The following UST variants were observed in gnomAD, a reference collection of about 807,000 sequenced individuals.
The protein encoded by UST is chondroitin sulfate 2-O-sulfotransferase.
A neutral mutation model predicts 45.6 loss-of-function variants in UST; 21 were observed. The observed-to-expected ratio is 0.46, with a 90% CI of 0.33 to 0.66. The LOEUF (loss-of-function observed/expected upper bound fraction) is 0.66. Ranked by LOEUF, UST falls within the 30% of genes least tolerant of loss-of-function variation. The pLI is 0.02. For missense variants in UST, 463 were observed against 512.4 expected (o/e 0.90, Z 0.93); for synonymous variants, 215 against 200.6 (o/e 1.07, Z -0.61).
At chr6:148,855,095 T>C (rs1478972407) in intron 1 of UST, among the ~76,000 whole-genome samples, 3 of 152,086 alleles carry the variant, frequency 2.0e-5, no homozygotes, top group South Asian at 2.1e-4. Context: ...TCGCGAGACG[T>C]ATTCACTATC....
intron 2 of UST, among the ~76,000 whole-genome samples, chr6:148,919,921 T>C (rs1779668964): frequency 6.6e-6 from 1 of 152,232 alleles, no homozygotes; most frequent in Admixed American, 6.5e-5. Context: ...TAGAATAACA[T>C]TGTTAAAAGG....
chr6:149,006,962 G>A lies in UST; in HGVS notation c.682-12177G>A, dbSNP rs950545967. ...CTGTCTGTAGTTGACAGGTTTTTCT[G>A]AATGATTTTAGGAACTTCAAGTTCC... On this transcript the variant is annotated intron_variant, in intron 5 of 7. Coordinates refer to ENST00000367463, the MANE Select transcript of UST (RefSeq NM_005715.3). Among the ~76,000 whole-genome samples, 4 of 152,222 alleles carry A rather than the reference G, an allele frequency of 2.6e-5. No homozygotes were observed. In the South Asian group the frequency reaches 6.2e-4, roughly 24 times the overall value.
chr6:148,798,024 T>G (rs1432693870), intron 1 of UST, among the ~76,000 whole-genome samples: 1 of 152,076 alleles, frequency 6.6e-6, no homozygotes, highest in Non-Finnish European at 1.5e-5. Flanking sequence ...TGGTCAGGTT[T>G]GAATTTGAGA....
chr6:149,035,537 T>C (rs984534984), intron 7 of UST, among the ~76,000 whole-genome samples: 2 of 152,180 alleles, frequency 1.3e-5, no homozygotes, highest in East Asian at 3.9e-4. Context: ...GGTGGATCTC[T>C]TGAGCTCAGG....
chr6:148,862,190 G>A lies in UST; in HGVS notation c.248-24796G>A, dbSNP rs1310928259. Among the ~76,000 whole-genome samples the A allele has an allele frequency of 3.3e-5, 5 of 152,174 alleles. No individual in the cohort carries two copies. In the East Asian group the frequency reaches 5.8e-4, roughly 18 times the overall value. Reference sequence around the variant, plus strand: ...ATGAATCTGGGTGCTCCTGTATTGGGTGCATATATATTTAGGATAGTTAGC... The same window carrying A: ...ATGAATCTGGGTGCTCCTGTATTGGATGCATATATATTTAGGATAGTTAGC... On this transcript the variant is annotated intron_variant, in intron 1 of 7. Transcript: ENST00000367463.
intron 1 of UST, among the ~76,000 whole-genome samples, 191 bp from the exon 2 acceptor site, chr6:148,886,795 T>C (rs1369215316): frequency 6.6e-6 from 1 of 152,232 alleles, no homozygotes; most frequent in Non-Finnish European, 1.5e-5. Context: ...TTGTAACAGC[T>C]GAAACTATTA....
rs961999175 is a variant in UST, at chr6:149,059,190, G to T, written c.938-14643G>T. Among the ~76,000 whole-genome samples, 9 of 152,170 alleles carry T rather than the reference G, an allele frequency of 5.9e-5. No homozygotes were observed. In the South Asian group the frequency reaches 1.7e-3, roughly 28 times the overall value. ...AGCGTGTGTGTCTGGGCCAGGAGGA[G>T]TTGAGCTTGGCCATCTCCTCCAGCC... is the stretch of plus-strand genomic sequence containing the variant. On this transcript the variant is annotated intron_variant, in intron 7 of 7. Transcript: ENST00000367463.
intron 1 of UST, among the ~76,000 whole-genome samples, chr6:148,844,868 G>T: frequency 6.6e-6 from 1 of 152,048 alleles, no homozygotes; most frequent in East Asian, 1.9e-4. Context: ...CCCACTTACA[G>T]GTGAGAACAT....
chr6:148,860,530 A>G (rs1778291108), intron 1 of UST, among the ~76,000 whole-genome samples: 2 of 152,274 alleles, frequency 1.3e-5, no homozygotes, highest in African/African-American at 4.8e-5. Context: ...TTCCAACACT[A>G]TGTTGAACAG....
chr6:148,826,448 G>T (rs945479608), intron 1 of UST, among the ~76,000 whole-genome samples: 2 of 150,886 alleles, frequency 1.3e-5, no homozygotes, highest in African/African-American at 4.9e-5. Context: ...TTTTTTAAAT[G>T]AATTAACTAC....
At position 148,994,751 on chromosome 6, in the gene UST, C is replaced by G. The variant is rs58770150; in HGVS notation, c.682-24388C>G. Among the ~76,000 whole-genome samples the G allele has an allele frequency of 2.4e-3, 363 of 152,272 alleles. 3 individuals are homozygous for G. The highest frequency in any genetic ancestry group is 8.6e-3 in the African/African-American group (358 of 41,560). On this transcript the variant is annotated intron_variant, in intron 5 of 7. Coordinates refer to ENST00000367463, the MANE Select transcript of UST (RefSeq NM_005715.3). ...CCACAGCTTTTCTTTCTGTCCCCCC[C>G]ACCAGGCTCTTTTCCTTTTTCCCGT...
At chr6:148,912,976 A>G (rs9373581) in intron 2 of UST, among the ~76,000 whole-genome samples, 17,005 of 152,210 alleles carry the variant, frequency 0.11, 1,416 homozygotes, top group East Asian at 0.41. Context: ...AGAGGGGCCC[A>G]AGATTTGGCA....
intron 7 of UST, among the ~76,000 whole-genome samples, chr6:149,067,304 G>A (rs1284143664): frequency 6.6e-6 from 1 of 152,124 alleles, no homozygotes; most frequent in Non-Finnish European, 1.5e-5. Flanking sequence ...CTCTTTGGCA[G>A]GTCCAATTTC....
intron 1 of UST, among the ~76,000 whole-genome samples, chr6:148,786,857 C>T (rs1307826415): frequency 6.6e-6 from 1 of 152,160 alleles, no homozygotes; most frequent in Non-Finnish European, 1.5e-5. Context: ...CCTTTTTCTC[C>T]ACAACTTCAC....
chr6:149,056,217 C>T lies in UST; in HGVS notation c.938-17616C>T, dbSNP rs548483166. Among the ~76,000 whole-genome samples the T allele has an allele frequency of 7.6e-5, 9 of 118,920 alleles. No individual in the cohort carries two copies. The South Asian group carries it at 8.4e-4, about 11-fold the overall frequency. 78.0% of individuals were successfully genotyped at this position (118,920 alleles called of 152,430 possible). On this transcript the variant is annotated intron_variant, in intron 7 of 7. Transcript: ENST00000367463. ...GCAACCTCTGCCTCCCGGGTTCAAG[C>T]GACTCTCAGCCTCCTGAGTGGCTGG...
rs2114843746 is a variant in UST, at chr6:148,886,990, T to C, written c.252T>C (p.Asn84=). 6.2e-7 allele frequency: 1 copy of C among 1,612,432 alleles called. No individual in the cohort carries two copies. Among genetic ancestry groups the C allele is most frequent in the Non-Finnish European group, 8.5e-7 (1 of 1,179,308 alleles). The part of the protein sequence containing the change: ...FLLDLRQYLG[N]STYLDDHGPP... Reference sequence around the variant, plus strand: ...ACTTTTTCCTTTATTTTCTAGGAAATTCCACTTACTTGGATGACCATGGAC... The same window carrying C: ...ACTTTTTCCTTTATTTTCTAGGAAACTCCACTTACTTGGATGACCATGGAC... Residue 84 remains asparagine (N), a synonymous_variant, in exon 2 of 8, where the codon AAT becomes AAC. Coordinates refer to ENST00000367463, the MANE Select transcript of UST (RefSeq NM_005715.3).
Position 148,901,651 on chromosome 6 carries a change from G to A in UST, c.291+14622G>A, listed in dbSNP as rs536498323. On this transcript the variant is annotated intron_variant, in intron 2 of 7. Coordinates refer to ENST00000367463, the MANE Select transcript of UST (RefSeq NM_005715.3). ...TAGCTCACTGCAACCTCTGCCTCCCGGGTTCAAATGATTCTCCTGCCTCAG... is the reference window on the plus strand; with the variant it reads ...TAGCTCACTGCAACCTCTGCCTCCCAGGTTCAAATGATTCTCCTGCCTCAG... Among the ~76,000 whole-genome samples the A allele has an allele frequency of 3.5e-4, 52 of 150,622 alleles. No homozygotes were observed. The Middle Eastern group carries it at 0.014, about 41-fold the overall frequency.
In UST at chr6:149,010,852, T is replaced by A. The variant is rs2500543; in HGVS notation, c.682-8287T>A. Among the ~76,000 whole-genome samples the A allele has an allele frequency of 2.4e-3, 342 of 144,120 alleles. 4 individuals are homozygous for A. The highest frequency in any genetic ancestry group is 8.3e-3 in the African/African-American group (322 of 38,600). The allele number at this position is 144,120 out of a possible 152,430, so 94.5% of individuals were successfully genotyped here. A position where few individuals can be genotyped will look rare whatever the true frequency, so the allele number is the denominator to read the frequency against. Reference sequence around the variant, plus strand: ...GGTTGCAGTGAGCCGAGATCGCGCCTCTGCACTGCAGCCTGGGAGACAGAG... The same window carrying A: ...GGTTGCAGTGAGCCGAGATCGCGCCACTGCACTGCAGCCTGGGAGACAGAG... On this transcript the variant is annotated intron_variant, in intron 5 of 7. Transcript: ENST00000367463.
intron 1 of UST, among the ~76,000 whole-genome samples, chr6:148,865,977 T>G (rs1582862656): frequency 6.6e-6 from 1 of 152,216 alleles, no homozygotes; most frequent in East Asian, 1.9e-4. Context: ...TATGTGACAT[T>G]ATTTATATAA....
Sources: gnomAD v4.1 joint callset for allele counts (sites outside exome capture counted in the v4.1 genomes callset) on GRCh38, gnomAD v4.1.1 for gene constraint, MANE v1.5 for transcripts, NCBI Gene and HGNC (gene_info 2026-07-23, HGNC 2026-07-21) for gene names.